Variants in ROR1 observed in about 807,000 individuals in gnomAD.
ROR1 encodes ROR family WNT receptor 1.
Under a neutral mutation model 78.8 loss-of-function variants are expected in ROR1, and 19 were observed. That is an observed-to-expected ratio of 0.24 (90% CI 0.17 to 0.35). ROR1 has a LOEUF of 0.35. ROR1 is among the 10% of genes least tolerant of loss of function. The pLI is 1.00. For synonymous variants in ROR1, 386 were observed against 433.6 expected (o/e 0.89, Z 1.36); for missense variants, 917 against 1,177.8 (o/e 0.78, Z 3.24).
At chr1:63,857,761 C>A (rs1645157821) in intron 1 of ROR1, among the ~76,000 whole-genome samples, 2 of 152,130 alleles carry the variant, frequency 1.3e-5, no homozygotes, top group Admixed American at 6.5e-5. Context: ...GTAGAATGAA[C>A]CATATTTGGT....
chr1:63,831,366 T>G (rs1195552429), intron 1 of ROR1, among the ~76,000 whole-genome samples: 1 of 152,196 alleles, frequency 6.6e-6, no homozygotes, highest in Non-Finnish European at 1.5e-5. Flanking sequence ...CATCCAGACA[T>G]TTCCATAGAT....
intron 7 of ROR1, among the ~76,000 whole-genome samples, chr1:64,150,733 A>G (rs1649598519): frequency 6.6e-6 from 1 of 152,250 alleles, no homozygotes; most frequent in African/African-American, 2.4e-5. Flanking sequence ...ATGTGCTTTC[A>G]TTTCCAGTCT....
At chr1:64,121,865 C>T (rs1353257319) in intron 4 of ROR1, among the ~76,000 whole-genome samples, 1 of 152,162 alleles carries the variant, frequency 6.6e-6, no homozygotes, top group African/African-American at 2.4e-5. Context: ...GACTTCTACC[C>T]TTGGAGAGGC....
chr1:64,063,835 C>T (rs1436991827), intron 4 of ROR1, among the ~76,000 whole-genome samples: 2 of 152,160 alleles, frequency 1.3e-5, no homozygotes, highest in Non-Finnish European at 2.9e-5. Flanking sequence ...CAGAGTGGTA[C>T]CCAGTCATGA....
At chr1:63,820,717 T>C (rs897468348) in intron 1 of ROR1, among the ~76,000 whole-genome samples, 2 of 152,234 alleles carry the variant, frequency 1.3e-5, no homozygotes, top group Admixed American at 6.5e-5. Flanking sequence ...GTATGCATCC[T>C]CTGCCTGGAG....
chr1:63,979,045 T>G (rs553765477), intron 1 of ROR1, among the ~76,000 whole-genome samples: 3 of 152,332 alleles, frequency 2.0e-5, no homozygotes, highest in Admixed American at 2.0e-4. Context: ...ATTCAGGCCT[T>G]TAACTGATTA....
intron 4 of ROR1, among the ~76,000 whole-genome samples, chr1:64,104,703 C>T (rs1446230498): frequency 2.0e-5 from 3 of 152,016 alleles, no homozygotes; most frequent in African/African-American, 7.2e-5. Context: ...TGAGTGAGAA[C>T]ATGTGGTGTT....
At chr1:63,809,561 A>G (rs771418602) in intron 1 of ROR1, among the ~76,000 whole-genome samples, 2 of 152,192 alleles carry the variant, frequency 1.3e-5, no homozygotes, top group Non-Finnish European at 2.9e-5. Context: ...GAGTTGAAGC[A>G]TTGTCCTTTT....
intron 1 of ROR1, among the ~76,000 whole-genome samples, chr1:63,993,861 T>G (rs1202170123): frequency 6.6e-6 from 1 of 152,214 alleles, no homozygotes; most frequent in Non-Finnish European, 1.5e-5. Context: ...TCATGTATGT[T>G]TGAGGGCATC....
At position 64,155,939 on chromosome 1, in the gene ROR1, C is replaced by T. The variant is rs192610610; in HGVS notation, c.1175-3042C>T. On this transcript the variant is annotated intron_variant, in intron 7 of 8. Transcript: ENST00000371079. ...TCCAAGGTTCTTTCATGAACATTATCTCATTTGATTCTCAGGTGAACCAAA... is the reference window on the plus strand; with the variant it reads ...TCCAAGGTTCTTTCATGAACATTATTTCATTTGATTCTCAGGTGAACCAAA... Among the ~76,000 whole-genome samples, 368 of 152,280 alleles carry T rather than the reference C, an allele frequency of 2.4e-3. 1 individual carries two copies. Among genetic ancestry groups the T allele is most frequent in the African/African-American group, 8.6e-3 (357 of 41,548 alleles).
intron 1 of ROR1, among the ~76,000 whole-genome samples, chr1:63,946,666 A>G (rs919873591): frequency 3.9e-5 from 6 of 152,214 alleles, no homozygotes; most frequent in Non-Finnish European, 7.3e-5. Context: ...TTATATGACT[A>G]TTAAGGGTCA....
intron 4 of ROR1, among the ~76,000 whole-genome samples, chr1:64,095,430 G>A (rs1647273266): frequency 6.6e-6 from 1 of 152,034 alleles, no homozygotes; most frequent in African/African-American, 2.4e-5. Context: ...GCAACAAAAA[G>A]TAATGAATTA....
intron 2 of ROR1, among the ~76,000 whole-genome samples, chr1:64,032,401 G>T (rs1487168098): frequency 6.6e-6 from 1 of 151,680 alleles, no homozygotes; most frequent in African/African-American, 2.4e-5. Flanking sequence ...CATGGAGATT[G>T]GGGGAGGAAG....
At chr1:63,881,402 C>T (rs192368131) in intron 1 of ROR1, among the ~76,000 whole-genome samples, 2 of 152,184 alleles carry the variant, frequency 1.3e-5, no homozygotes, top group African/African-American at 2.4e-5. Context: ...GCTGGGAAGG[C>T]AGTCAAATTG....
intron 1 of ROR1, among the ~76,000 whole-genome samples, chr1:63,929,978 T>A (rs1342173099): frequency 3.9e-5 from 6 of 152,120 alleles, no homozygotes; most frequent in Admixed American, 1.3e-4. Context: ...TTTTTATTAT[T>A]ATTATTATTT....
chr1:64,177,382 G>A (rs760194372), intron 8 of ROR1, 46 bp from the exon 9 acceptor site: 2 of 1,447,248 alleles, frequency 1.4e-6, no homozygotes, highest in South Asian at 1.3e-5. Flanking sequence ...AAGCTGTCTT[G>A]CCTGAAGATA....
At chr1:63,991,388 A>G (rs557518527) in intron 1 of ROR1, among the ~76,000 whole-genome samples, 2 of 152,290 alleles carry the variant, frequency 1.3e-5, no homozygotes, top group African/African-American at 4.8e-5. Flanking sequence ...GATCACAGCC[A>G]TTTTTCAGAT....
intron 8 of ROR1, among the ~76,000 whole-genome samples, chr1:64,173,635 C>T (rs539330948): frequency 6.6e-6 from 1 of 152,312 alleles, no homozygotes; most frequent in South Asian, 2.1e-4. Flanking sequence ...TAGCCCCTTT[C>T]TCCATCTGTA....
intron 1 of ROR1, among the ~76,000 whole-genome samples, chr1:63,834,203 T>A (rs866192106): frequency 6.6e-6 from 1 of 151,742 alleles, no homozygotes; most frequent in African/African-American, 2.4e-5. Flanking sequence ...CATGGGGCAT[T>A]TGAGCTGAGG....
Sources: gnomAD v4.1 joint callset for allele counts (sites outside exome capture counted in the v4.1 genomes callset) on GRCh38, gnomAD v4.1.1 for gene constraint, MANE v1.5 for transcripts, NCBI Gene and HGNC (gene_info 2026-07-23, HGNC 2026-07-21) for gene names.